Variants in KICS2 observed in about 807,000 individuals in gnomAD.
KICS2 encodes the protein KICSTOR complex protein C12orf66.
KICS2 carries 13 observed loss-of-function variants against 31.4 expected under a neutral mutation model. The observed-to-expected ratio is 0.41, with a 90% confidence interval of 0.27 to 0.66. The LOEUF is 0.66. Among genes scored for constraint, KICS2 ranks in the 30% least tolerant of loss-of-function variants. The pLI is 0.28. For synonymous variants in KICS2, 209 were observed against 214.8 expected (o/e 0.97, Z 0.24); for missense variants, 455 against 545.4 (o/e 0.83, Z 1.65).
intron 1 of KICS2, among the ~76,000 whole-genome samples, chr12:64,218,263 G>A (rs533349602): frequency 1.3e-4 from 20 of 152,216 alleles, no homozygotes; most frequent in South Asian, 2.1e-4. Context: ...AAAACCTCTC[G>A]GCTTAGGAGG....
At chr12:64,207,568 G>A (rs1324725649) in intron 2 of KICS2, among the ~76,000 whole-genome samples, 1 of 152,166 alleles carries the variant, frequency 6.6e-6, no homozygotes, top group Non-Finnish European at 1.5e-5. Context: ...TGCAAGCAAA[G>A]GCTTAAAATG....
intron 2 of KICS2, among the ~76,000 whole-genome samples, chr12:64,215,137 C>T (rs1314024748): frequency 4.6e-5 from 5 of 109,874 alleles, no homozygotes; most frequent in East Asian, 3.2e-4. Context: ...GAGACCCCGT[C>T]TCTACTAAAA....
chr12:64,201,654 C>T (rs2037491200), intron 2 of KICS2, among the ~76,000 whole-genome samples: 1 of 146,904 alleles, frequency 6.8e-6, no homozygotes, highest in African/African-American at 2.5e-5. Context: ...GCCAGCCTGG[C>T]CAACATGGTG....
At chr12:64,216,815 T>C (rs550933816) in intron 1 of KICS2, among the ~76,000 whole-genome samples, 11 of 152,298 alleles carry the variant, frequency 7.2e-5, no homozygotes, top group African/African-American at 2.6e-4. Context: ...TTTCTAATTA[T>C]GGAGCCAGCT....
At chr12:64,221,893 A>G (rs2037687033) in intron 1 of KICS2, 110 bp downstream of exon 1, 2 of 1,210,520 alleles carry the variant, frequency 1.7e-6, no homozygotes, top group South Asian at 1.5e-5. Context: ...TGCCGAGTCG[A>G]GCCTGCGACT....
At chr12:64,195,674 T>G (rs2037427495) in intron 2 of KICS2, among the ~76,000 whole-genome samples, 1 of 152,224 alleles carries the variant, frequency 6.6e-6, no homozygotes, top group Admixed American at 6.5e-5. Context: ...GATTTCTGCA[T>G]TTCCATCTGA....
At chr12:64,213,179 A>G (rs1420254873) in intron 2 of KICS2, among the ~76,000 whole-genome samples, 1 of 152,112 alleles carries the variant, frequency 6.6e-6, no homozygotes, top group Non-Finnish European at 1.5e-5. Context: ...AAGACTATGT[A>G]TGTATGTGGT....
At chr12:64,189,223 T>C (rs2037361583), downstream of KICS2, among the ~76,000 whole-genome samples, 1 of 152,206 alleles carries the variant, frequency 6.6e-6, no homozygotes, top group Non-Finnish European at 1.5e-5. Context: ...ATCCATTCCA[T>C]ATGAACTGTA....
downstream of KICS2, chr12:64,187,386 C>G (rs929329912): frequency 2.7e-5 from 14 of 523,084 alleles, no homozygotes; most frequent in Non-Finnish European, 2.7e-5. Flanking sequence ...ATTTGCATCT[C>G]TCCATTTTCT....
At chr12:64,219,960 A>C (rs2037664265) in intron 1 of KICS2, among the ~76,000 whole-genome samples, 1 of 152,214 alleles carries the variant, frequency 6.6e-6, no homozygotes. Flanking sequence ...TTTTTAAGAA[A>C]ATAGTAAACC....
Position 64,193,719 on chromosome 12 carries a change from T to G in KICS2, c.*123A>C, listed in dbSNP as rs1429198196. On this transcript the variant is annotated 3_prime_UTR_variant, in exon 3 of 3. Coordinates refer to ENST00000398055, the MANE Select transcript of KICS2 (RefSeq NM_152440.5). ...TAAAGTGTGCAACACAGGGAGGATT[T>G]GTCTTTAATTTAGTTCTGAAAGAGG... The G allele has an allele frequency of 1.4e-6, 2 of 1,445,652 alleles. No homozygotes were observed. The highest frequency in any genetic ancestry group is 5.6e-5 in the Admixed American group (2 of 35,410). The allele number at this position is 1,445,652 out of a possible 1,614,324, so 89.6% of individuals were successfully genotyped here. A position where few individuals can be genotyped will look rare whatever the true frequency, so the allele number is the denominator to read the frequency against.
chr12:64,190,321 C>T (rs2037369331), downstream of KICS2, among the ~76,000 whole-genome samples: 1 of 152,214 alleles, frequency 6.6e-6, no homozygotes, highest in African/African-American at 2.4e-5. Context: ...ACCCACATTT[C>T]CTTAGCCCCA....
intron 2 of KICS2, among the ~76,000 whole-genome samples, chr12:64,199,871 A>G (rs1297874249): frequency 8.3e-6 from 1 of 119,846 alleles, no homozygotes; most frequent in Non-Finnish European, 1.7e-5. Flanking sequence ...AAAGAGAATA[A>G]AATACCTAGG....
At chr12:64,189,840 G>A (rs1485604054), downstream of KICS2, among the ~76,000 whole-genome samples, 1 of 152,082 alleles carries the variant, frequency 6.6e-6, no homozygotes, top group African/African-American at 2.4e-5. Context: ...AATGTATATG[G>A]GCCTAATGAC....
downstream of KICS2, chr12:64,187,330 T>C: frequency 7.5e-6 from 3 of 401,706 alleles, no homozygotes; most frequent in Non-Finnish European, 8.8e-6. Flanking sequence ...CTTAGAACCC[T>C]AACCCCAGAT....
chr12:64,215,282 A>C (rs1157652556), intron 2 of KICS2, among the ~76,000 whole-genome samples: 1 of 152,212 alleles, frequency 6.6e-6, no homozygotes, highest in South Asian at 2.1e-4. Context: ...ACTGCACTCC[A>C]GCCTGGGCAA....
At chr12:64,194,944 T>TTA (rs2037419333) in intron 2 of KICS2, among the ~76,000 whole-genome samples, 1 of 151,846 alleles carries the variant, frequency 6.6e-6, no homozygotes, top group African/African-American at 2.4e-5. Context: ...TCATTTTTTT[T>TTA]TTTTTATTTA....
intron 1 of KICS2, among the ~76,000 whole-genome samples, chr12:64,221,102 T>C (rs1461711253): frequency 8.7e-6 from 1 of 115,512 alleles, no homozygotes; most frequent in African/African-American, 3.2e-5. Context: ...GGGGGCTGGT[T>C]AGGGAACGGG....
In KICS2 at chr12:64,193,908, A is replaced by G. The variant is rs376637041; in HGVS notation, c.1272T>C (p.Asn424=). The G allele has an allele frequency of 6.2e-7, 1 of 1,614,228 alleles. No homozygotes were observed. The highest frequency in any genetic ancestry group is 2.2e-5 in the East Asian group (1 of 44,886). ...ERDSHFISFL[N]EVSLALKNPK... The stretch of plus-strand genomic sequence containing the variant: ...GGTTCTTAAGGGCAAGTGAGACCTC[A>G]TTGAGGAAGGAAATAAAGTGGGAGT... The change falls in exon 3 of 3, where the codon AAT becomes AAC. Residue 424 remains asparagine (N), a synonymous_variant. Transcript: ENST00000398055.
Sources: allele counts gnomAD v4.1 joint callset (sites outside exome capture counted in the v4.1 genomes callset), GRCh38; gene constraint gnomAD v4.1.1; transcripts MANE v1.5; gene names NCBI Gene and HGNC (gene_info 2026-07-23, HGNC 2026-07-21).